Variants in LAMA1 observed in about 807,000 individuals in gnomAD.
The protein encoded by LAMA1 is laminin subunit alpha 1.
LAMA1 carries 219 observed loss-of-function variants against 348.7 expected under a neutral mutation model. The observed-to-expected ratio is 0.63, with a 90% CI of 0.56 to 0.70. LAMA1 has a LOEUF of 0.70. Among genes scored for constraint, LAMA1 ranks in the 30% least tolerant of loss-of-function variants. LAMA1 has a pLI of 0.00. For missense variants in LAMA1, 3,744 were observed against 3,888.0 expected, an observed-to-expected ratio of 0.96 and a Z score of 0.99; for synonymous variants, 1,487 against 1,491.0, an observed-to-expected ratio of 1.00 and a Z score of 0.06.
intron 10 of LAMA1, 97 bp from the exon 11 acceptor site, chr18:7,039,047 A>G: frequency 1.0e-6 from 1 of 985,052 alleles, no homozygotes; most frequent in Non-Finnish European, 1.6e-6. Context: ...TGATCCACAG[A>G]GACAGGTGAA....
intron 35 of LAMA1, 146 bp from the exon 36 acceptor site, chr18:6,992,866 T>C (rs933466187): frequency 9.0e-5 from 60 of 663,006 alleles, no homozygotes; most frequent in South Asian, 4.5e-4. Flanking sequence ...ACCTGGCATA[T>C]CCCAGTGTAC....
At chr18:6,943,725 CCCAGCAA>C (rs1452134922) in intron 61 of LAMA1, among the ~76,000 whole-genome samples, 1 of 151,546 alleles carries the variant, frequency 6.6e-6, no homozygotes, top group African/African-American at 2.4e-5. Context: ...TGCCTGTAAT[CCCAGCAA>C]CTCAGGAGGC....
In LAMA1 at chr18:6,986,201, T is replaced by C. The variant is rs2057734566; in HGVS notation, c.5315A>G (p.Glu1772Gly). 2 of 1,614,228 alleles carry C rather than the reference T, an allele frequency of 1.2e-6. No individual in the cohort carries two copies. Among genetic ancestry groups the C allele is most frequent in the Non-Finnish European group, 1.7e-6 (2 of 1,180,038 alleles). ...KAAEALVREA[E>G]AKMQESNHLL... Reference sequence around the variant, plus strand: ...GTGGTTGCTTTCCTGCATCTTTGCCTCAGCTTCCCTCACGAGCGCCTCAGC... The same window carrying C: ...GTGGTTGCTTTCCTGCATCTTTGCCCCAGCTTCCCTCACGAGCGCCTCAGC... The change falls in exon 37 of 63, where the codon GAG becomes GGG. Residue 1772 changes from glutamate to glycine, a missense_variant. Glu to Gly is a moderately conservative substitution (Grantham distance 98). Transcript: ENST00000389658.
intron 39 of LAMA1, among the ~76,000 whole-genome samples, chr18:6,984,387 A>G (rs569137424): frequency 6.6e-6 from 1 of 152,220 alleles, no homozygotes; most frequent in Non-Finnish European, 1.5e-5. Context: ...CAAATTTTAA[A>G]GAAAGAAATT....
At chr18:7,048,279 GT>G (rs1388129278) in intron 5 of LAMA1, among the ~76,000 whole-genome samples, 2 of 152,036 alleles carry the variant, frequency 1.3e-5, no homozygotes, top group Non-Finnish European at 2.9e-5. Flanking sequence ...ACAAATTAAC[GT>G]CACAAAATGC....
chr18:6,956,204 TAGC>T, intron 56 of LAMA1: 1 of 340,628 alleles, frequency 2.9e-6, no homozygotes, highest in South Asian at 2.3e-5. Flanking sequence ...ACATGAAAAA[TAGC>T]AATGGCTGCC....
At chr18:7,092,450 C>A (rs562175535) in intron 1 of LAMA1, among the ~76,000 whole-genome samples, 5 of 152,090 alleles carry the variant, frequency 3.3e-5, no homozygotes, top group African/African-American at 9.6e-5. Context: ...ATGGTGAAAC[C>A]CCATTTCTAC....
intron 39 of LAMA1, among the ~76,000 whole-genome samples, chr18:6,983,798 T>TA (rs2057722763): frequency 1.3e-5 from 2 of 152,330 alleles, no homozygotes; most frequent in South Asian, 4.1e-4. Context: ...TGGTAACTGG[T>TA]AATGGCACAA....
chr18:7,033,185 G>A (rs149983413), intron 14 of LAMA1, 90 bp from the exon 15 acceptor site: 33,666 of 1,000,146 alleles, frequency 0.034, 823 homozygotes, highest in Middle Eastern at 0.041. Context: ...ATTTAAATCC[G>A]GCCGGGCGCA....
At chr18:7,026,422 G>GT (rs2057943597) in intron 16 of LAMA1, among the ~76,000 whole-genome samples, 2 of 152,200 alleles carry the variant, frequency 1.3e-5, no homozygotes, top group Non-Finnish European at 2.9e-5. Context: ...CCTCTAAGGG[G>GT]AATTCTGATG....
At chr18:6,989,393 C>T (rs1376363902) in intron 36 of LAMA1, among the ~76,000 whole-genome samples, 2 of 152,148 alleles carry the variant, frequency 1.3e-5, no homozygotes, top group African/African-American at 4.8e-5. Context: ...ACCCCCGACC[C>T]AGCATGAAAA....
At chr18:6,965,489 C>T in intron 49 of LAMA1, 57 bp from the exon 50 acceptor site, 1 of 1,595,610 alleles carries the variant, frequency 6.3e-7, no homozygotes, top group Non-Finnish European at 8.6e-7. Context: ...GTTTCCCTTT[C>T]CCTTCAAGTC....
chr18:7,050,747 C>T lies in LAMA1; in HGVS notation c.535G>A (p.Glu179Lys), dbSNP rs768160905. 1.2e-6 allele frequency: 2 copies of T among 1,614,140 alleles called. No homozygotes were observed. Among genetic ancestry groups the T allele is most frequent in the Non-Finnish European group, 8.5e-7 (1 of 1,180,030 alleles). ...GAATAATAGGAGGTGCAGATCACTTCATCATCAGCCCTGTAGGTGGGTGGC... is the reference window on the plus strand; with the variant it reads ...GAATAATAGGAGGTGCAGATCACTTTATCATCAGCCCTGTAGGTGGGTGGC... ...RGPPTYRADD[E>K]VICTSYYSRL... The change falls in exon 4 of 63, where the codon GAA (glutamate) becomes AAA (lysine). Residue 179 changes from glutamate to lysine, a missense_variant. Around this residue, in one of 3 missense-constraint regions of LAMA1, gnomAD observed 1,529 missense variants for 1,689.4 expected, o/e 0.91. Coordinates refer to ENST00000389658, the MANE Select transcript of LAMA1 (RefSeq NM_005559.4).
chr18:7,099,372 T>C (rs2058281700), intron 1 of LAMA1, among the ~76,000 whole-genome samples: 1 of 151,766 alleles, frequency 6.6e-6, no homozygotes. Flanking sequence ...CCAGAGACCT[T>C]TGTTCACTTG....
rs759922954 is a variant in LAMA1, at chr18:6,982,523, C to T, written c.5864G>A (p.Gly1955Asp). 3.7e-6 allele frequency: 6 copies of T among 1,614,182 alleles called. No individual in the cohort carries two copies. In the East Asian group the frequency reaches 6.7e-5, roughly 18 times the overall value. Residue 1955 changes from glycine to aspartate, a missense_variant, in exon 41 of 63, where the codon GGC becomes GAC. Physicochemically the swap from Gly to Asp is moderately conservative, Grantham distance 94 (BLOSUM62 -1). Transcript: ENST00000389658. ...TGGAAGCTTCCTGCTGAGGTTGTTG[C>T]CTTCTTTTAGAAATCTGGAGCTGCG... ...VQRSSRFLKE[G>D]NNLSRKLPGI...
chr18:6,979,625 C>T (rs547992295), intron 42 of LAMA1, among the ~76,000 whole-genome samples: 23 of 152,336 alleles, frequency 1.5e-4, no homozygotes, highest in East Asian at 9.6e-4. Context: ...TTAGGCCAGG[C>T]GCGGTGGCTC....
intron 42 of LAMA1, among the ~76,000 whole-genome samples, chr18:6,980,228 C>T (rs2057704713): frequency 6.6e-6 from 1 of 152,166 alleles, no homozygotes; most frequent in Admixed American, 6.5e-5. Flanking sequence ...GGTCCTTCTT[C>T]CTCTAAGCAA....
intron 43 of LAMA1, 48 bp from the exon 44 acceptor site, chr18:6,977,929 GA>G: frequency 2.5e-6 from 4 of 1,586,624 alleles, no homozygotes; most frequent in Non-Finnish European, 3.4e-6. Context: ...TGGGGAGAGG[GA>G]AAAACAAGAT....
intron 42 of LAMA1, among the ~76,000 whole-genome samples, chr18:6,979,241 A>G (rs688648): frequency 0.29 from 44,007 of 152,164 alleles, 8,351 homozygotes; most frequent in African/African-American, 0.54. Flanking sequence ...ATTGTTTCAA[A>G]GTAAGAAGTA....
Sources: allele counts gnomAD v4.1 joint callset (sites outside exome capture counted in the v4.1 genomes callset), GRCh38; gene constraint gnomAD v4.1.1; regional missense constraint gnomAD v4.1.1; transcripts MANE v1.5; gene names NCBI Gene and HGNC (gene_info 2026-07-23, HGNC 2026-07-21).